ATF7IP: variants seen among roughly 807,000 people sequenced by gnomAD.
ATF7IP encodes activating transcription factor 7-interacting protein 1.
ATF7IP carries 23 observed loss-of-function variants against 106.4 expected under a neutral mutation model. That is an observed-to-expected ratio of 0.22 (90% confidence interval 0.16 to 0.31). The LOEUF (loss-of-function observed/expected upper bound fraction) is 0.31, where lower values mean the gene tolerates loss of function less well. ATF7IP is among the 10% of genes least tolerant of loss of function. The pLI, the probability that ATF7IP is intolerant of heterozygous loss-of-function variation, is 1.00. For synonymous variants in ATF7IP, 542 were observed against 539.0 expected (o/e 1.01, Z -0.08); for missense variants, 1,334 against 1,524.3 (o/e 0.88, Z 2.08).
chr12:14,455,106 A>G (rs1943373699), intron 6 of ATF7IP, among the ~76,000 whole-genome samples: 1 of 150,038 alleles, frequency 6.7e-6, no homozygotes, highest in South Asian at 2.1e-4. Context: ...TGAGCCTGGG[A>G]GGCGGAGGCT....
Position 14,424,611 on chromosome 12 carries a change from T to A in ATF7IP, c.696T>A (p.Ser232Arg). ...GDCAADDIAS[S>R]EITSVDLASG... ...GTGCCGCTGATGATATAGCCTCTAG[T>A]GAAATAACTTCTGTTGATCTGGCTT... The change falls in exon 2 of 15, where the codon AGT (serine) becomes AGA (arginine). Residue 232 changes from serine (S) to arginine (R), a missense_variant. By Grantham distance (110) the Ser-to-Arg change is moderately radical. This residue lies in a region of ATF7IP where 438 missense variants were observed against 405.3 expected (regional missense o/e 1.08). Transcript: ENST00000261168. The A allele has an allele frequency of 1.2e-6, 2 of 1,614,162 alleles. No individual in the cohort carries two copies. Among genetic ancestry groups the A allele is most frequent in the African/African-American group, 2.7e-5 (2 of 75,030 alleles).
chr12:14,429,561 G>T (rs1233997070), intron 2 of ATF7IP, among the ~76,000 whole-genome samples: 1 of 151,954 alleles, frequency 6.6e-6, no homozygotes, highest in Non-Finnish European at 1.5e-5. Flanking sequence ...CTTGTTCATT[G>T]GATCTTTAAG....
chr12:14,491,542 C>T (rs140313191), intron 13 of ATF7IP, among the ~76,000 whole-genome samples: 8 of 152,254 alleles, frequency 5.3e-5, no homozygotes, highest in East Asian at 1.9e-4. Flanking sequence ...ATGTCATCAA[C>T]GTAATGGAGC....
chr12:14,486,440 C>G (rs1944615496), intron 13 of ATF7IP, among the ~76,000 whole-genome samples: 1 of 152,154 alleles, frequency 6.6e-6, no homozygotes, highest in Non-Finnish European at 1.5e-5. Context: ...TGGGGTCTTT[C>G]CTCAAGGGGA....
At chr12:14,375,125 C>T (rs186497427) in intron 1 of ATF7IP, among the ~76,000 whole-genome samples, 13 of 149,614 alleles carry the variant, frequency 8.7e-5, no homozygotes, top group Admixed American at 2.0e-4. Context: ...AGAATTCCTT[C>T]GTTTTAGGTG....
In ATF7IP at chr12:14,441,678, A is replaced by T. The variant is rs370979671; in HGVS notation, c.1929+3411A>T. Among the ~76,000 whole-genome samples, 77 of 151,830 alleles carry T rather than the reference A, an allele frequency of 5.1e-4. 1 individual carries two copies. The highest frequency in any genetic ancestry group is 1.7e-3 in the African/African-American group (71 of 41,414). ...CCAATTTTTTGTATTTTTAGTAGAG[A>T]TGGGGTTTCACCATGTTAGCCAGGA... is the stretch of plus-strand genomic sequence containing the variant. On this transcript the variant is annotated intron_variant, in intron 5 of 14. Transcript: ENST00000261168.
intron 9 of ATF7IP, chr12:14,466,251 G>A: frequency 3.3e-6 from 1 of 298,824 alleles, no homozygotes; most frequent in East Asian, 6.6e-5. Context: ...TTTAAGTTAT[G>A]TGTATCTTAA....
chr12:14,381,435 T>C (rs1286502326), intron 1 of ATF7IP, among the ~76,000 whole-genome samples: 5 of 152,162 alleles, frequency 3.3e-5, no homozygotes, highest in Non-Finnish European at 5.9e-5. Context: ...TTTGCCATGT[T>C]GGTCAGGCTG....
At chr12:14,369,670 C>G (rs1419151272) in intron 1 of ATF7IP, among the ~76,000 whole-genome samples, 1 of 152,030 alleles carries the variant, frequency 6.6e-6, no homozygotes, top group African/African-American at 2.4e-5. Context: ...TTTACTAGAA[C>G]TTTTTCTGGA....
At chr12:14,457,155 A>G in intron 7 of ATF7IP, 52 bp from the exon 8 acceptor site, 1 of 1,444,586 alleles carries the variant, frequency 6.9e-7, no homozygotes, top group South Asian at 1.2e-5. Flanking sequence ...ATCAGTTGGT[A>G]TTCCCTGAGT....
At position 14,500,681 on chromosome 12, in the gene ATF7IP, C is replaced by G. The variant is rs968755431; in HGVS notation, c.*2608C>G. 6.6e-6 allele frequency: 1 copy of G among 151,986 alleles called. No individual in the cohort carries two copies. Among genetic ancestry groups the G allele is most frequent in the African/African-American group, 2.4e-5 (1 of 41,380 alleles). The allele number at this position is 151,986 out of a possible 1,614,324, so 9.4% of individuals were successfully genotyped here. ...CGTGGTAACAATTTTCTTACCTAAC[C>G]TACAAAAGGTTCTCTTGATGAACAT... On this transcript the variant is annotated 3_prime_UTR_variant, in exon 15 of 15. Transcript: ENST00000261168.
Position 14,447,021 on chromosome 12 carries a change from G to A in ATF7IP, c.1963G>A (p.Ala655Thr). Residue 655 changes from alanine to threonine, a missense_variant, in exon 6 of 15, where the codon GCA becomes ACA. Physicochemically the swap from Ala to Thr is moderately conservative, Grantham distance 58. This residue lies in a region of ATF7IP where 171 missense variants were observed against 172.6 expected (regional missense o/e 0.99). Coordinates refer to ENST00000261168, the MANE Select transcript of ATF7IP (RefSeq NM_018179.5). ...AGCCAGGTTAACCAAACGCTTTGAA[G>A]CAGCCAAAGAAGATCTTAAGAAAAG... Reference protein sequence around the residue: ...KIARLTKRFEAAKEDLKKRHE... With the variant: ...KIARLTKRFETAKEDLKKRHE... 6.4e-7 allele frequency: 1 copy of A among 1,553,058 alleles called. No homozygotes were observed. Among genetic ancestry groups the A allele is most frequent in the Non-Finnish European group, 8.7e-7 (1 of 1,154,368 alleles).
chr12:14,403,104 G>A (rs142757562), intron 1 of ATF7IP, among the ~76,000 whole-genome samples: 1 of 152,016 alleles, frequency 6.6e-6, no homozygotes, highest in East Asian at 1.9e-4. Context: ...TTAGTTTGAA[G>A]TGATCTTTAT....
chr12:14,490,234 T>G (rs1158051962), intron 13 of ATF7IP, among the ~76,000 whole-genome samples: 2 of 152,128 alleles, frequency 1.3e-5, no homozygotes, highest in Non-Finnish European at 2.9e-5. Context: ...ACAGAACGGG[T>G]CATCCTATGG....
At chr12:14,404,160 G>A (rs1940423593) in intron 1 of ATF7IP, among the ~76,000 whole-genome samples, 1 of 147,526 alleles carries the variant, frequency 6.8e-6, no homozygotes, top group Admixed American at 6.8e-5. Flanking sequence ...GTGCTAAACA[G>A]TCTATAATGG....
intron 13 of ATF7IP, among the ~76,000 whole-genome samples, chr12:14,495,338 AG>A: frequency 6.6e-6 from 1 of 152,358 alleles, no homozygotes; most frequent in East Asian, 1.9e-4. Context: ...TGTGACAGCA[AG>A]GGAAAATATA....
chr12:14,451,196 T>A (rs1186868425), intron 6 of ATF7IP, among the ~76,000 whole-genome samples: 1 of 152,192 alleles, frequency 6.6e-6, no homozygotes, highest in Non-Finnish European at 1.5e-5. Flanking sequence ...TTGTTCATTG[T>A]AGTCTCTTGT....
chr12:14,372,117 A>T (rs1938556496), intron 1 of ATF7IP, among the ~76,000 whole-genome samples: 1 of 152,072 alleles, frequency 6.6e-6, no homozygotes, highest in South Asian at 2.1e-4. Context: ...TGCTTGTTTG[A>T]CCTTATATTT....
chr12:14,402,655 C>A (rs1194541915), intron 1 of ATF7IP, among the ~76,000 whole-genome samples: 1 of 146,588 alleles, frequency 6.8e-6, no homozygotes, highest in African/African-American at 2.5e-5. Flanking sequence ...GTCACCCTGG[C>A]TGAAGTGAAG....
Sources: allele counts gnomAD v4.1 joint callset (sites outside exome capture counted in the v4.1 genomes callset), GRCh38; gene constraint gnomAD v4.1.1; regional missense constraint gnomAD v4.1.1; transcripts MANE v1.5; gene names NCBI Gene and HGNC (gene_info 2026-07-23, HGNC 2026-07-21).